AUTS2: variants seen among roughly 807,000 people sequenced by gnomAD.
AUTS2 encodes the protein activator of transcription and developmental regulator AUTS2.
AUTS2 carries 17 observed loss-of-function variants against 112.4 expected under a neutral mutation model. The ratio of observed to expected loss-of-function variants is 0.15; its 90% confidence interval spans 0.10 to 0.23. The LOEUF (loss-of-function observed/expected upper bound fraction) is 0.23, where lower values mean the gene tolerates loss of function less well. AUTS2 is among the 10% of genes least tolerant of loss of function. The pLI, the probability that AUTS2 is intolerant of heterozygous loss-of-function variation, is 1.00. For synonymous variants in AUTS2, 751 were observed against 702.7 expected (o/e 1.07, Z -1.09); for missense variants, 1,510 against 1,701.6 (o/e 0.89, Z 1.98).
At chr7:70,092,710 G>A (rs1178160872) in intron 2 of AUTS2, among the ~76,000 whole-genome samples, 1 of 152,176 alleles carries the variant, frequency 6.6e-6, no homozygotes, top group African/African-American at 2.4e-5. Flanking sequence ...GTGGTGATAA[G>A]CATGAGGTCG....
intron 1 of AUTS2, among the ~76,000 whole-genome samples, chr7:69,684,239 C>A (rs1278791974): frequency 1.3e-5 from 2 of 152,098 alleles, no homozygotes. Flanking sequence ...TTTTGATAAT[C>A]CACATGTGAG....
chr7:70,357,469 T>C (rs1349210142), intron 4 of AUTS2, among the ~76,000 whole-genome samples: 1 of 152,212 alleles, frequency 6.6e-6, no homozygotes, highest in African/African-American at 2.4e-5. Flanking sequence ...GTCATTGTTC[T>C]TATGTCTCAT....
chr7:70,707,362 CT>C (rs1413512355), intron 6 of AUTS2, among the ~76,000 whole-genome samples: 1 of 152,186 alleles, frequency 6.6e-6, no homozygotes, highest in Non-Finnish European at 1.5e-5. Context: ...AATGAGGCAA[CT>C]TGTCCAAGGT....
In AUTS2 at chr7:70,781,741, T is replaced by G. The variant is rs779276772; in HGVS notation, c.2131T>G (p.Leu711Val). ...HPHDLARPST[L>V]FSAAGAAHPT... is the part of the protein sequence containing the mutation. ...CCATGACCTGGCACGGCCTTCAACT[T>G]TGTTCTCTGCCGCTGGTGAGTGTGG... The change falls in exon 15 of 19, where the codon TTG becomes GTG. Residue 711 changes from leucine (L) to valine (V), a missense_variant. Leu to Val is a conservative substitution (Grantham distance 32, BLOSUM62 1). Around this residue, in one of 3 missense-constraint regions of AUTS2, gnomAD observed 788 missense variants for 797.6 expected, o/e 0.99. Transcript: ENST00000342771. The G allele has an allele frequency of 6.2e-7, 1 of 1,614,058 alleles. No homozygotes were observed. Among genetic ancestry groups the G allele is most frequent in the Non-Finnish European group, 8.5e-7 (1 of 1,179,972 alleles).
chr7:70,192,767 C>A (rs1809970135), intron 4 of AUTS2, among the ~76,000 whole-genome samples: 1 of 152,178 alleles, frequency 6.6e-6, no homozygotes, highest in Non-Finnish European at 1.5e-5. Flanking sequence ...CATAAAGGAA[C>A]TCTGAAGAAA....
In AUTS2 at chr7:70,660,405, A is replaced by C. The variant is rs539105701; in HGVS notation, c.691-38164A>C. On this transcript the variant is annotated intron_variant, in intron 5 of 18. Transcript: ENST00000342771. ...CGCCATCTGTGTGATGAATCCAGGC[A>C]CCTAGCTCCGTGCACAGCTTCTCAA... is the stretch of plus-strand genomic sequence containing the variant. Among the ~76,000 whole-genome samples, 4 of 152,242 alleles carry C rather than the reference A, an allele frequency of 2.6e-5. No homozygotes were observed. The South Asian group carries it at 6.2e-4, about 24-fold the overall frequency.
Position 70,766,453 on chromosome 7 carries a change from T to C in AUTS2, c.1689+119T>C. On this transcript the variant is annotated intron_variant, in intron 9 of 18. Coordinates refer to ENST00000342771, the MANE Select transcript of AUTS2 (RefSeq NM_015570.4). This position sits in a 1 kb window ranked among gnomAD's most constrained non-coding sequence, Gnocchi z 4.8. ...AGATCGAATGGGGACTGACGGCTGT[T>C]GGCTGGAGAGAAGGGAATGTGTCCT... 7.6e-7 allele frequency: 1 copy of C among 1,312,004 alleles called. No individual in the cohort carries two copies. The highest frequency in any genetic ancestry group is 1.3e-5 in the South Asian group (1 of 76,054). The allele number at this position is 1,312,004 out of a possible 1,614,324, so 81.3% of individuals were successfully genotyped here.
At chr7:69,827,197 C>G (rs939135924) in intron 1 of AUTS2, among the ~76,000 whole-genome samples, 1 of 152,286 alleles carries the variant, frequency 6.6e-6, no homozygotes, top group East Asian at 1.9e-4. Flanking sequence ...TCTGTCCTGC[C>G]TTTACTCTCC....
rs527800082 is a variant in AUTS2, at chr7:70,471,556, C to T, written c.690+35775C>T. On this transcript the variant is annotated intron_variant, in intron 5 of 18. Coordinates refer to ENST00000342771, the MANE Select transcript of AUTS2 (RefSeq NM_015570.4). Reference sequence around the variant, plus strand: ...TTTTTTAACAAATATTTTTTGTATGCCTACCCTATATTAGGCACTATTATA... The same window carrying T: ...TTTTTTAACAAATATTTTTTGTATGTCTACCCTATATTAGGCACTATTATA... Among the ~76,000 whole-genome samples, 132 of 152,216 alleles carry T rather than the reference C, an allele frequency of 8.7e-4. 1 individual carries two copies. Among genetic ancestry groups the T allele is most frequent in the Non-Finnish European group, 1.4e-3 (97 of 68,000 alleles).
intron 2 of AUTS2, among the ~76,000 whole-genome samples, chr7:70,049,209 A>AT (rs1563064961): frequency 1.3e-5 from 2 of 152,168 alleles, no homozygotes; most frequent in African/African-American, 4.8e-5. Flanking sequence ...CAAATTTTTA[A>AT]TTTATATAGT....
At chr7:70,312,868 C>A (rs1789823113) in intron 4 of AUTS2, among the ~76,000 whole-genome samples, 1 of 152,184 alleles carries the variant, frequency 6.6e-6, no homozygotes, top group Admixed American at 6.5e-5. Context: ...TAAATAGCCA[C>A]AGGTAGCTAA....
At chr7:70,328,401 T>A (rs1238257542) in intron 4 of AUTS2, among the ~76,000 whole-genome samples, 1 of 152,042 alleles carries the variant, frequency 6.6e-6, no homozygotes, top group Non-Finnish European at 1.5e-5. Flanking sequence ...ATTTTTTTTT[T>A]AATAGAGACA....
chr7:70,601,264 A>G (rs180973946), intron 5 of AUTS2, among the ~76,000 whole-genome samples: 1 of 152,306 alleles, frequency 6.6e-6, no homozygotes, highest in East Asian at 1.9e-4. Flanking sequence ...CATTTCCCTA[A>G]TGACTAATGA....
intron 1 of AUTS2, among the ~76,000 whole-genome samples, chr7:69,667,521 C>T (rs934382922): frequency 6.6e-6 from 1 of 151,650 alleles, no homozygotes; most frequent in African/African-American, 2.4e-5. Flanking sequence ...ACACCTGGCT[C>T]ATTTTTGTAT....
chr7:70,389,724 A>C (rs752436363), intron 4 of AUTS2, among the ~76,000 whole-genome samples: 2 of 152,060 alleles, frequency 1.3e-5, no homozygotes, highest in African/African-American at 4.8e-5. Context: ...AAGCTCAGAT[A>C]CTGTAAATAC....
At chr7:70,407,519 T>A (rs1380124838) in intron 4 of AUTS2, among the ~76,000 whole-genome samples, 1 of 152,184 alleles carries the variant, frequency 6.6e-6, no homozygotes, top group Non-Finnish European at 1.5e-5. Flanking sequence ...CTTATTGAAG[T>A]TCTAAGTCTA....
Position 70,790,387 on chromosome 7 carries a change from C to T in AUTS2, c.3171C>T (p.Gly1057=), listed in dbSNP as rs751540084. The change falls in exon 19 of 19, where the codon GGC becomes GGT. Residue 1057 remains glycine, a synonymous_variant. Transcript: ENST00000342771. This position sits in a 1 kb window ranked among gnomAD's most constrained non-coding sequence, Gnocchi z 7.6. The part of the protein sequence containing the change: ...TPFMGISPLP[G]GERFPYPSFH... ...TCATGGGCATCAGCCCCCTCCCGGG[C>T]GGAGAGCGCTTCCCGTACCCTTCTT... 18 of 1,613,618 alleles carry T rather than the reference C, an allele frequency of 1.1e-5. No homozygotes were observed. In the Admixed American group the frequency reaches 2.7e-4, roughly 24 times the overall value.
chr7:70,037,848 T>C (rs1353915074), intron 2 of AUTS2, among the ~76,000 whole-genome samples: 3 of 152,172 alleles, frequency 2.0e-5, no homozygotes. Flanking sequence ...ATGTAAAATG[T>C]TGAGTATAAA....
At position 70,766,365 on chromosome 7, in the gene AUTS2, A is replaced by C; in HGVS notation, c.1689+31A>C. 1.2e-6 allele frequency: 2 copies of C among 1,610,950 alleles called. No homozygotes were observed. Among genetic ancestry groups the C allele is most frequent in the Non-Finnish European group, 1.7e-6 (2 of 1,177,924 alleles). On this transcript the variant is annotated intron_variant, in intron 9 of 18. Transcript: ENST00000342771. This position sits in a 1 kb window ranked among gnomAD's most constrained non-coding sequence, Gnocchi z 4.8. ...TACCCCAGGCAGAAATGTGAGGATA[A>C]GTAGAGCACGACTCTTTTCTTTATG...
Sources: allele counts gnomAD v4.1 joint callset (sites outside exome capture counted in the v4.1 genomes callset), GRCh38; gene constraint gnomAD v4.1.1; regional missense constraint gnomAD v4.1.1; non-coding constraint Gnocchi (gnomAD v3.1); transcripts MANE v1.5; gene names NCBI Gene and HGNC (gene_info 2026-07-23, HGNC 2026-07-21).